URB2: variants seen among roughly 807,000 people sequenced by gnomAD.
URB2 encodes unhealthy ribosome biogenesis protein 2 homolog.
Under a neutral mutation model 120.9 loss-of-function variants are expected in URB2, and 86 were observed. That is an observed-to-expected ratio of 0.71 (90% confidence interval 0.60 to 0.85). The LOEUF (loss-of-function observed/expected upper bound fraction) is 0.85. Ranked by LOEUF, URB2 falls within the 40% of genes least tolerant of loss-of-function variation. The pLI, the probability that URB2 is intolerant of heterozygous loss-of-function variation, is 0.00. For missense variants in URB2, 1,765 were observed against 1,836.5 expected (o/e 0.96, Z 0.71); for synonymous variants, 755 against 758.4 (o/e 1.00, Z 0.07).
chr1:229,643,654 G>A lies in URB2; in HGVS notation c.3756G>A (p.Gln1252=). ...DLRLVMQCIL[Q]GLDVSNMWKA... is the part of the protein sequence containing the mutation. ...GGCTGGTGATGCAGTGTATTCTCCAGGGACTGGATGTCAGTAACATGTGGA... is the reference window on the plus strand; with the variant it reads ...GGCTGGTGATGCAGTGTATTCTCCAAGGACTGGATGTCAGTAACATGTGGA... The change falls in exon 5 of 10, where the codon CAG becomes CAA. Residue 1252 remains glutamine (Q), a synonymous_variant. Coordinates refer to ENST00000258243, the MANE Select transcript of URB2 (RefSeq NM_014777.4). The A allele has an allele frequency of 6.2e-7, 1 of 1,614,192 alleles. No homozygotes were observed.
In URB2 at chr1:229,638,092, A is replaced by G. The variant is rs1458561165; in HGVS notation, c.3479A>G (p.Gln1160Arg). ...GCCCTCTACCAGGGTGTTTACTCTC[A>G]GATACTGTTGGAGTTGCCAGCTCTC... ...HVALYQGVYSQILLELPALAG... is the reference protein window; with the variant it reads ...HVALYQGVYSRILLELPALAG... The change falls in exon 4 of 10, where the codon CAG becomes CGG. Residue 1160 changes from glutamine to arginine, a missense_variant. Coordinates refer to ENST00000258243, the MANE Select transcript of URB2 (RefSeq NM_014777.4). The G allele has an allele frequency of 8.7e-6, 14 of 1,614,244 alleles. No homozygotes were observed. Among genetic ancestry groups the G allele is most frequent in the Non-Finnish European group, 1.2e-5 (14 of 1,180,044 alleles).
chr1:229,654,871 G>A (rs1294119033), intron 9 of URB2, among the ~76,000 whole-genome samples: 2 of 152,198 alleles, frequency 1.3e-5, no homozygotes, highest in Admixed American at 6.5e-5. Context: ...GAAAATGCTC[G>A]ATTATCTGTC....
intron 4 of URB2, among the ~76,000 whole-genome samples, chr1:229,642,883 C>G (rs1666046409): frequency 1.3e-5 from 2 of 152,192 alleles, no homozygotes; most frequent in South Asian, 4.1e-4. Flanking sequence ...TCTTGTATTA[C>G]TTTTGACTCT....
intron 9 of URB2, among the ~76,000 whole-genome samples, chr1:229,655,885 A>G (rs190771441): frequency 2.1e-4 from 32 of 152,342 alleles, no homozygotes; most frequent in Admixed American, 5.9e-4. Context: ...GAAAACCTGG[A>G]GCTGCATCAC....
rs900148903 is a variant in URB2, at chr1:229,652,670, T to C, written c.4237+1348T>C. Among the ~76,000 whole-genome samples the C allele has an allele frequency of 5.3e-5, 8 of 152,356 alleles. No individual in the cohort carries two copies. The East Asian group carries it at 9.7e-4, about 18-fold the overall frequency. ...CATGCCAGCCTCAGCAAGTTGGTGG[T>C]GGCTGCCTACAGTTCTGTGTCAAAG... On this transcript the variant is annotated intron_variant, in intron 8 of 9. Coordinates refer to ENST00000258243, the MANE Select transcript of URB2 (RefSeq NM_014777.4).
At chr1:229,633,545 T>C (rs546583543) in intron 3 of URB2, among the ~76,000 whole-genome samples, 1 of 152,312 alleles carries the variant, frequency 6.6e-6, no homozygotes, top group Admixed American at 6.5e-5. Flanking sequence ...GCATTGACAT[T>C]TAAGGATTTC....
chr1:229,645,995 T>C, intron 6 of URB2, 26 bp downstream of exon 6: 2 of 1,603,818 alleles, frequency 1.2e-6, no homozygotes, highest in Non-Finnish European at 1.7e-6. Flanking sequence ...AGATGTGTCC[T>C]CTAGCTCCTC....
Position 229,659,087 on chromosome 1 carries a change from C to T in URB2, c.4378-13C>T, listed in dbSNP as rs747519896. The T allele has an allele frequency of 6.2e-7, 1 of 1,607,544 alleles. No homozygotes were observed. Among genetic ancestry groups the T allele is most frequent in the East Asian group, 2.2e-5 (1 of 44,744 alleles). ...CCCCAATTGTTCTCACAGAGGTTTGCCTTTTTCCTCAGGTGACCTTATATC... is the reference window on the plus strand; with the variant it reads ...CCCCAATTGTTCTCACAGAGGTTTGTCTTTTTCCTCAGGTGACCTTATATC... On this transcript the variant is annotated splice_polypyrimidine_tract_variant and intron_variant, in intron 9 of 9. Coordinates refer to ENST00000258243, the MANE Select transcript of URB2 (RefSeq NM_014777.4).
intron 7 of URB2, among the ~76,000 whole-genome samples, chr1:229,650,216 A>G (rs1032029817): frequency 1.3e-5 from 2 of 152,190 alleles, no homozygotes; most frequent in Non-Finnish European, 2.9e-5. Context: ...CTGTGTCTCC[A>G]TCGTCCAGTA....
chr1:229,645,468 C>T (rs916763928), intron 5 of URB2, among the ~76,000 whole-genome samples: 2 of 152,092 alleles, frequency 1.3e-5, no homozygotes, highest in African/African-American at 4.8e-5. Context: ...TGTAAGCGTG[C>T]ATCGTTGCTC....
rs145763929 is a variant in URB2 at position 229,651,609 on chromosome 1, G to A, written c.4237+287G>A. Among the ~76,000 whole-genome samples the A allele has an allele frequency of 3.8e-3, 573 of 152,240 alleles. 4 individuals are homozygous for A. The highest frequency in any genetic ancestry group is 0.013 in the African/African-American group (554 of 41,548). On this transcript the variant is annotated intron_variant, in intron 8 of 9. Transcript: ENST00000258243. ...ACTGAGCATGTATATCATGTAAAGG[G>A]GATATAAAAATGACTTACAACCCCA...
intron 2 of URB2, among the ~76,000 whole-genome samples, chr1:229,629,326 C>G (rs542728779): frequency 1.2e-4 from 19 of 152,330 alleles, no homozygotes; most frequent in Admixed American, 1.2e-3. Flanking sequence ...CAACTCTTAA[C>G]TTACTTTTTT....
chr1:229,653,667 C>T (rs974256161), intron 8 of URB2, among the ~76,000 whole-genome samples: 21 of 152,192 alleles, frequency 1.4e-4, no homozygotes, highest in African/African-American at 2.7e-4. Context: ...AGGCCCTGGA[C>T]GGTCCTGACA....
chr1:229,630,334 T>G (rs928143813), intron 2 of URB2, among the ~76,000 whole-genome samples: 1 of 152,224 alleles, frequency 6.6e-6, no homozygotes, highest in African/African-American at 2.4e-5. Context: ...GAATGGATGT[T>G]GTGTTAGCAG....
In URB2 at chr1:229,654,267, C is replaced by G. The variant is rs1263704421; in HGVS notation, c.4256C>G (p.Pro1419Arg). ...TCTGTAGGAAGCATAGATGACCTGC[C>G]TACGGTCCTAAAGTGTGCACGCCTG... ...QKDKGSIDDLPTVLKCARLVE... is the reference protein window; with the variant it reads ...QKDKGSIDDLRTVLKCARLVE... The change falls in exon 9 of 10, where the codon CCT becomes CGT. Residue 1419 changes from proline to arginine, a missense_variant. By Grantham distance (103) the Pro-to-Arg change is moderately radical. Coordinates refer to ENST00000258243, the MANE Select transcript of URB2 (RefSeq NM_014777.4). 1.9e-6 allele frequency: 3 copies of G among 1,613,962 alleles called. No homozygotes were observed. The highest frequency in any genetic ancestry group is 2.7e-5 in the African/African-American group (2 of 74,902).
At chr1:229,658,458 T>C (rs1666453075) in intron 9 of URB2, among the ~76,000 whole-genome samples, 3 of 152,240 alleles carry the variant, frequency 2.0e-5, no homozygotes, top group African/African-American at 7.2e-5. Flanking sequence ...TGTTAGGAAT[T>C]AAGTGCATAT....
chr1:229,645,841 T>G lies in URB2; in HGVS notation c.3796-18T>G, dbSNP rs2102793793. The stretch of plus-strand genomic sequence containing the variant: ...AACACGCTATCTCTGCCGCTAAGTT[T>G]TTTCTCTCTTGCCCCAGGCTGTTGT... On this transcript the variant is annotated intron_variant, in intron 5 of 9. Transcript: ENST00000258243. 1 of 1,611,994 alleles carries G rather than the reference T, an allele frequency of 6.2e-7. No homozygotes were observed. The highest frequency in any genetic ancestry group is 1.1e-5 in the South Asian group (1 of 91,004).
intron 2 of URB2, among the ~76,000 whole-genome samples, chr1:229,630,041 A>G (rs773047024): frequency 1.3e-5 from 2 of 152,224 alleles, no homozygotes; most frequent in Non-Finnish European, 2.9e-5. Context: ...TCCATTATAT[A>G]TGCAGTTGCT....
At chr1:229,650,438 C>G (rs573461126) in intron 7 of URB2, among the ~76,000 whole-genome samples, 2 of 148,962 alleles carry the variant, frequency 1.3e-5, no homozygotes, top group East Asian at 3.9e-4. Flanking sequence ...ATCTCATTTT[C>G]TTTTTTTTTT....
Sources: gnomAD v4.1 joint callset for allele counts (sites outside exome capture counted in the v4.1 genomes callset) on GRCh38, gnomAD v4.1.1 for gene constraint, MANE v1.5 for transcripts, NCBI Gene and HGNC (gene_info 2026-07-23, HGNC 2026-07-21) for gene names.